The following ASTN2 variants were observed in gnomAD, a reference collection of about 807,000 sequenced individuals.
The protein encoded by ASTN2 is astrotactin-2.
In ASTN2, 54 loss-of-function variants were observed where a neutral mutation model predicts 139.8. That is an observed-to-expected ratio of 0.39 (90% CI 0.31 to 0.48). The LOEUF (loss-of-function observed/expected upper bound fraction) is 0.48, where lower values mean the gene tolerates loss of function less well. Among genes scored for constraint, ASTN2 ranks in the 20% least tolerant of loss-of-function variants. The probability of loss-of-function intolerance (pLI) is 0.95; values close to 1 mark genes in which losing one functional copy is unlikely to be tolerated. For synonymous variants in ASTN2, 756 were observed against 719.5 expected (o/e 1.05, Z -0.81); for missense variants, 1,565 against 1,725.1 (o/e 0.91, Z 1.64).
At chr9:116,862,270 T>C (rs1263989533) in intron 11 of ASTN2, among the ~76,000 whole-genome samples, 1 of 152,190 alleles carries the variant, frequency 6.6e-6, no homozygotes, top group Non-Finnish European at 1.5e-5. Context: ...CTATCCCTGG[T>C]TCTATCCTTC....
At chr9:116,841,178 C>G (rs919807127) in intron 11 of ASTN2, among the ~76,000 whole-genome samples, 1 of 152,232 alleles carries the variant, frequency 6.6e-6, no homozygotes, top group Non-Finnish European at 1.5e-5. Flanking sequence ...AGCTGGAGAC[C>G]AGCCCGGCCA....
In ASTN2 at chr9:116,942,110, A is replaced by AC. The variant is rs141119972; in HGVS notation, c.1889+33097dup. ...CGCACGCACACACACACACACACAC[A>AC]CACACCACACACACACACACAATGT... On this transcript the variant is annotated intron_variant, in intron 10 of 22. Transcript: ENST00000313400. Among the ~76,000 whole-genome samples, 17 of 130,210 alleles carry AC rather than the reference A, an allele frequency of 1.3e-4. 1 individual carries two copies. Among genetic ancestry groups the AC allele is most frequent in the Non-Finnish European group, 2.5e-4 (16 of 63,056 alleles). The allele number at this position is 130,210 out of a possible 152,430, so 85.4% of individuals were successfully genotyped here. A position where few individuals can be genotyped will look rare whatever the true frequency, so the allele number is the denominator to read the frequency against.
At chr9:116,442,036 A>C (rs1283638765) in intron 21 of ASTN2, among the ~76,000 whole-genome samples, 1 of 152,314 alleles carries the variant, frequency 6.6e-6, no homozygotes, top group South Asian at 2.1e-4. Flanking sequence ...GATGTCTGCT[A>C]TGGACACCAC....
At chr9:116,758,385 C>T (rs2132164295) in intron 13 of ASTN2, among the ~76,000 whole-genome samples, 1 of 152,202 alleles carries the variant, frequency 6.6e-6, no homozygotes, top group Non-Finnish European at 1.5e-5. Context: ...TGCCAGGGCT[C>T]ACAGGACAGA....
At chr9:116,973,274 CACTT>C (rs1225816165) in intron 10 of ASTN2, among the ~76,000 whole-genome samples, 26 of 152,110 alleles carry the variant, frequency 1.7e-4, no homozygotes, top group Non-Finnish European at 2.8e-4. Flanking sequence ...AAGTATTCGG[CACTT>C]ACTTAGAAAA....
chr9:117,099,300 C>G (rs1345862778), intron 4 of ASTN2, among the ~76,000 whole-genome samples: 1 of 152,158 alleles, frequency 6.6e-6, no homozygotes, highest in Non-Finnish European at 1.5e-5. Context: ...CAAGACTCTT[C>G]CCACAGCCCC....
Position 116,848,313 on chromosome 9 carries a change from G to A in ASTN2, c.2040+15270C>T, listed in dbSNP as rs1564303046. 2.0e-5 allele frequency among the ~76,000 whole-genome samples: 3 copies of A among 152,100 alleles called. No individual in the cohort carries two copies. In the East Asian group the frequency reaches 5.8e-4, roughly 29 times the overall value. ...CTTCTCTGAGTAGCACAGAGCCGAG[G>A]GAATTTTGCTACAGATCAAGTGCAG... On this transcript the variant is annotated intron_variant, in intron 11 of 22. Transcript: ENST00000313400.
chr9:116,982,492 C>A (rs1037967124), intron 7 of ASTN2, among the ~76,000 whole-genome samples: 4 of 152,082 alleles, frequency 2.6e-5, no homozygotes, highest in Admixed American at 6.5e-5. Flanking sequence ...GGTCAAAAAT[C>A]CAAGATGTGC....
intron 13 of ASTN2, among the ~76,000 whole-genome samples, chr9:116,737,916 G>C (rs1828982601): frequency 6.6e-6 from 1 of 152,122 alleles, no homozygotes; most frequent in African/African-American, 2.4e-5. Flanking sequence ...ATATTGGCCG[G>C]GCGCGGTGGC....
At chr9:117,163,799 G>A (rs1463242732) in intron 3 of ASTN2, among the ~76,000 whole-genome samples, 1 of 151,916 alleles carries the variant, frequency 6.6e-6, no homozygotes, top group Non-Finnish European at 1.5e-5. Context: ...AAGTACTTTT[G>A]CTATATATTC....
At chr9:117,064,470 C>G (rs1194140222) in intron 5 of ASTN2, among the ~76,000 whole-genome samples, 3 of 152,112 alleles carry the variant, frequency 2.0e-5, no homozygotes, top group Admixed American at 6.5e-5. Flanking sequence ...TGTTAAGAAT[C>G]CAAACTTCTC....
chr9:117,376,182 C>T (rs185116875), intron 1 of ASTN2, among the ~76,000 whole-genome samples: 50 of 152,242 alleles, frequency 3.3e-4, no homozygotes, highest in Non-Finnish European at 6.2e-4. Flanking sequence ...CACAGGATGG[C>T]AGAAGCACAC....
intron 13 of ASTN2, among the ~76,000 whole-genome samples, chr9:116,733,851 A>G (rs1007035883): frequency 6.6e-6 from 1 of 152,118 alleles, no homozygotes; most frequent in Non-Finnish European, 1.5e-5. Context: ...AATGGGAAAA[A>G]CCTACCAATT....
chr9:116,621,590 C>T (rs781226983), intron 17 of ASTN2, among the ~76,000 whole-genome samples: 2 of 151,708 alleles, frequency 1.3e-5, no homozygotes, highest in Non-Finnish European at 2.9e-5. Flanking sequence ...TCATGCTCCT[C>T]TTCTGGACAC....
At chr9:117,325,975 G>A (rs1203445041) in intron 1 of ASTN2, among the ~76,000 whole-genome samples, 1 of 152,108 alleles carries the variant, frequency 6.6e-6, no homozygotes, top group Non-Finnish European at 1.5e-5. Context: ...CTTGGCCTTA[G>A]GGAGTTACCC....
intron 10 of ASTN2, among the ~76,000 whole-genome samples, chr9:116,909,818 T>G (rs1050425727): frequency 1.3e-5 from 2 of 152,094 alleles, no homozygotes; most frequent in Admixed American, 6.5e-5. Flanking sequence ...GACCAGCTAT[T>G]TTATATGAGA....
At chr9:116,992,659 T>C (rs1048973624) in intron 7 of ASTN2, among the ~76,000 whole-genome samples, 1 of 152,182 alleles carries the variant, frequency 6.6e-6, no homozygotes, top group Admixed American at 6.5e-5. Flanking sequence ...GTTGGTGTTG[T>C]CATCTCCTAG....
chr9:116,801,360 A>T (rs1273399971), intron 13 of ASTN2, among the ~76,000 whole-genome samples: 1 of 151,930 alleles, frequency 6.6e-6, no homozygotes, highest in Non-Finnish European at 1.5e-5. Flanking sequence ...AGGGGGGTGG[A>T]TCGCGAGGTC....
chr9:117,074,897 G>A (rs1828238391), intron 5 of ASTN2, among the ~76,000 whole-genome samples: 1 of 152,010 alleles, frequency 6.6e-6, no homozygotes, highest in South Asian at 2.1e-4. Context: ...GACACAGAGG[G>A]GTTAAATAAC....
Sources: gnomAD v4.1 joint callset for allele counts (sites outside exome capture counted in the v4.1 genomes callset) on GRCh38, gnomAD v4.1.1 for gene constraint, MANE v1.5 for transcripts, NCBI Gene and HGNC (gene_info 2026-07-23, HGNC 2026-07-21) for gene names.